Variants in FOXP2 observed in about 807,000 individuals in gnomAD.
FOXP2 encodes forkhead box protein P2.
Under a neutral mutation model 115.8 loss-of-function variants are expected in FOXP2, and 12 were observed. That is an observed-to-expected ratio of 0.10 (90% CI 0.07 to 0.17). The LOEUF is 0.17. Ranked by LOEUF, FOXP2 falls within the 10% of genes least tolerant of loss-of-function variation. The pLI is 1.00. For missense variants in FOXP2, 629 were observed against 843.5 expected (o/e 0.75, Z 3.15); for synonymous variants, 328 against 297.7 (o/e 1.10, Z -1.05).
In FOXP2 at chr7:114,137,443, G is replaced by A. The variant is rs142312792; in HGVS notation, c.-246-25501G>A. On this transcript the variant is annotated intron_variant, in intron 1 of 19. Transcript: ENST00000635638. ...CTTTTGTTTACATAATTTTAGATGA[G>A]TAGAGAGACATACTTTCAATAAACT... is the stretch of plus-strand genomic sequence containing the variant. 3.0e-3 allele frequency among the ~76,000 whole-genome samples: 459 copies of A among 152,220 alleles called. 5 individuals carry two copies. Among genetic ancestry groups the A allele is most frequent in the African/African-American group, 0.011 (444 of 41,552 alleles).
intron 2 of FOXP2, chr7:114,297,004 T>C (rs1303438946): frequency 8.5e-6 from 2 of 236,176 alleles, no homozygotes; most frequent in African/African-American, 4.7e-5. Flanking sequence ...ATTTCATTTG[T>C]TTCACAGGTG....
At chr7:114,517,175 T>C (rs1353447104) in intron 2 of FOXP2, among the ~76,000 whole-genome samples, 1 of 152,188 alleles carries the variant, frequency 6.6e-6, no homozygotes, top group Admixed American at 6.5e-5. Context: ...TTCAGTTTCT[T>C]TCCCATTTTT....
chr7:114,276,808 T>C (rs145393147), intron 1 of FOXP2, among the ~76,000 whole-genome samples: 262 of 152,308 alleles, frequency 1.7e-3, no homozygotes, highest in African/African-American at 6.1e-3. Context: ...CCTGTTCAGC[T>C]TTTTACTTCT....
At chr7:114,430,888 T>C (rs192559275) in intron 2 of FOXP2, among the ~76,000 whole-genome samples, 20 of 152,088 alleles carry the variant, frequency 1.3e-4, no homozygotes, top group Admixed American at 8.5e-4. Context: ...GATATTTACT[T>C]CAATACTCAT....
intron 2 of FOXP2, among the ~76,000 whole-genome samples, chr7:114,522,592 T>C (rs943377866): frequency 6.6e-6 from 1 of 152,214 alleles, no homozygotes; most frequent in African/African-American, 2.4e-5. Context: ...ATCAGAAATA[T>C]GTTTTAACTT....
rs1793926056 is a variant in FOXP2 at position 114,427,837 on chromosome 7, A to G, written c.168+1158A>G. Among the ~76,000 whole-genome samples, 6 of 151,782 alleles carry G rather than the reference A, an allele frequency of 4.0e-5. No individual in the cohort carries two copies. The South Asian group carries it at 1.2e-3, about 31-fold the overall frequency. ...TCTTAACCTTTAGGCATTGTTTTCA[A>G]GAATAATCTTTTATAAGAGCTACAT... is the stretch of plus-strand genomic sequence containing the variant. On this transcript the variant is annotated intron_variant, in intron 2 of 16. Transcript: ENST00000350908.
chr7:114,346,049 A>T (rs1455431176), intron 2 of FOXP2, among the ~76,000 whole-genome samples: 2 of 151,844 alleles, frequency 1.3e-5, no homozygotes, highest in African/African-American at 2.4e-5. Context: ...TCATAGATTT[A>T]TAATAATTTT....
chr7:114,203,942 G>T (rs1449969648), intron 1 of FOXP2, among the ~76,000 whole-genome samples: 1 of 152,018 alleles, frequency 6.6e-6, no homozygotes, highest in Non-Finnish European at 1.5e-5. Context: ...TTCTTACTGA[G>T]TCTATGTTTC....
chr7:114,143,273 T>C (rs1461984906), intron 1 of FOXP2, among the ~76,000 whole-genome samples: 1 of 151,990 alleles, frequency 6.6e-6, no homozygotes, highest in Non-Finnish European at 1.5e-5. Context: ...TTTTGAAATA[T>C]ACATTTTAGT....
chr7:114,350,891 C>T (rs1047145161), intron 2 of FOXP2, among the ~76,000 whole-genome samples: 12 of 152,200 alleles, frequency 7.9e-5, no homozygotes, highest in Middle Eastern at 6.8e-3. Context: ...TGCTTAAGTC[C>T]CTTATATAAA....
intron 2 of FOXP2, among the ~76,000 whole-genome samples, chr7:114,393,265 C>G (rs1053865090): frequency 1.3e-5 from 2 of 152,076 alleles, no homozygotes; most frequent in Non-Finnish European, 2.9e-5. Context: ...CCTCATCTCC[C>G]CTTCTACCTT....
intron 3 of FOXP2, among the ~76,000 whole-genome samples, chr7:114,568,514 G>A (rs1801133513): frequency 6.6e-6 from 1 of 151,282 alleles, no homozygotes; most frequent in Non-Finnish European, 1.5e-5. Flanking sequence ...GGAAATATTT[G>A]AGATAGTAAC....
rs1287597995 is a variant in FOXP2, at chr7:114,415,125, G to T, written c.-246G>T. On this transcript the variant is annotated 5_prime_UTR_variant, in exon 1 of 17. Coordinates refer to ENST00000350908, the MANE Select transcript of FOXP2 (RefSeq NM_014491.4). ...GCTGCTTGATTTGTTTTAATTACCA[G>T]CACAAAATGCCATCAGTCTGGGACG... The T allele has an allele frequency of 4.4e-6, 2 of 454,136 alleles. No individual in the cohort carries two copies. Among genetic ancestry groups the T allele is most frequent in the African/African-American group, 4.0e-5 (2 of 49,954 alleles). The allele number at this position is 454,136 out of a possible 1,614,324, so 28.1% of individuals were successfully genotyped here.
At chr7:114,535,484 T>C (rs1799338668) in intron 3 of FOXP2, among the ~76,000 whole-genome samples, 1 of 151,662 alleles carries the variant, frequency 6.6e-6, no homozygotes, top group Admixed American at 6.6e-5. Flanking sequence ...TATACATGTC[T>C]AATAAGGCAA....
intron 6 of FOXP2, among the ~76,000 whole-genome samples, chr7:114,637,256 A>G (rs1330557942): frequency 6.6e-6 from 1 of 152,224 alleles, no homozygotes; most frequent in Admixed American, 6.5e-5. Flanking sequence ...TGTGGTAAAA[A>G]CCTTTTAATA....
intron 2 of FOXP2, among the ~76,000 whole-genome samples, chr7:114,296,385 G>C (rs1434950738): frequency 6.6e-6 from 1 of 152,076 alleles, no homozygotes; most frequent in Non-Finnish European, 1.5e-5. Flanking sequence ...GAAAATAGCA[G>C]TAAACCTTAG....
At chr7:114,101,924 T>TGC (rs1790977795) in intron 1 of FOXP2, among the ~76,000 whole-genome samples, 1 of 150,818 alleles carries the variant, frequency 6.6e-6, no homozygotes, top group East Asian at 1.9e-4. Context: ...TGTGTGTGTG[T>TGC]GTGTGTGTGT....
At chr7:114,561,939 G>A (rs1800778838) in intron 3 of FOXP2, among the ~76,000 whole-genome samples, 1 of 152,058 alleles carries the variant, frequency 6.6e-6, no homozygotes, top group South Asian at 2.1e-4. Flanking sequence ...ACAGACATGG[G>A]CCACCATGTC....
intron 2 of FOXP2, among the ~76,000 whole-genome samples, chr7:114,342,980 T>C (rs573214677): frequency 6.6e-6 from 1 of 151,720 alleles, no homozygotes; most frequent in East Asian, 1.9e-4. Context: ...ATTTTGATGA[T>C]ATAAGCTAAT....
Sources: gnomAD v4.1 joint callset for allele counts (sites outside exome capture counted in the v4.1 genomes callset) on GRCh38, gnomAD v4.1.1 for gene constraint, MANE v1.5 for transcripts, NCBI Gene and HGNC (gene_info 2026-07-23, HGNC 2026-07-21) for gene names.